The following SH3GL3 variants were observed in gnomAD, a reference collection of about 807,000 sequenced individuals.
SH3GL3 encodes SH3 domain containing GRB2 like 3, endophilin A3, also known as endophilin-A3.
SH3GL3 carries 33 observed loss-of-function variants against 47.7 expected under a neutral mutation model. That is an observed-to-expected ratio of 0.69 (90% CI 0.52 to 0.92). The LOEUF is 0.92. SH3GL3 is among the 40% of genes least tolerant of loss of function. SH3GL3 has a pLI of 0.00. For missense variants in SH3GL3, 363 were observed against 417.8 expected (o/e 0.87, Z 1.14); for synonymous variants, 155 against 148.8 (o/e 1.04, Z -0.30).
chr15:83,482,578 C>T (rs1442799759), intron 1 of SH3GL3, among the ~76,000 whole-genome samples: 1 of 151,910 alleles, frequency 6.6e-6, no homozygotes, highest in Non-Finnish European at 1.5e-5. Context: ...ACTGCAGCCT[C>T]CACCTCCCAG....
At chr15:83,506,147 C>T (rs1328954583) in intron 1 of SH3GL3, among the ~76,000 whole-genome samples, 1 of 152,008 alleles carries the variant, frequency 6.6e-6, no homozygotes, top group African/African-American at 2.4e-5. Flanking sequence ...CTTTTGAAAT[C>T]CTGTTTAGAA....
In SH3GL3 at chr15:83,474,159, G is replaced by A. The variant is rs148054781; in HGVS notation, c.45+26581G>A. Among the ~76,000 whole-genome samples, 53 of 152,284 alleles carry A rather than the reference G, an allele frequency of 3.5e-4. No homozygotes were observed. The East Asian group carries it at 7.0e-3, about 20-fold the overall frequency. On this transcript the variant is annotated intron_variant, in intron 1 of 8. Transcript: ENST00000427482. Reference sequence around the variant, plus strand: ...ACCCAATTTTAAATCCCTTCTTAGCGGATGTTACTGTCTGATAATCTCTTG... The same window carrying A: ...ACCCAATTTTAAATCCCTTCTTAGCAGATGTTACTGTCTGATAATCTCTTG...
chr15:83,519,807 T>A (rs1270089482), intron 1 of SH3GL3, among the ~76,000 whole-genome samples: 1 of 152,240 alleles, frequency 6.6e-6, no homozygotes, highest in South Asian at 2.1e-4. Flanking sequence ...TGTTTATACG[T>A]AGCTGTTTTA....
chr15:83,486,995 T>G (rs955721791), intron 1 of SH3GL3, among the ~76,000 whole-genome samples: 1 of 152,052 alleles, frequency 6.6e-6, no homozygotes, highest in African/African-American at 2.4e-5. Flanking sequence ...CCTGATAACC[T>G]CCCCAAAGCC....
chr15:83,513,527 C>T (rs567779912), intron 1 of SH3GL3, among the ~76,000 whole-genome samples: 8 of 152,294 alleles, frequency 5.3e-5, no homozygotes, highest in Non-Finnish European at 1.0e-4. Flanking sequence ...TGACCCTCTC[C>T]TAGACTTCCC....
intron 8 of SH3GL3, among the ~76,000 whole-genome samples, chr15:83,591,081 C>T (rs1281651382): frequency 2.0e-5 from 3 of 152,130 alleles, no homozygotes; most frequent in African/African-American, 4.8e-5. Flanking sequence ...AATCTCGGCT[C>T]ACTGCAACCT....
At chr15:83,617,944 A>G (rs1364253221) in intron 8 of SH3GL3, 138 bp from the exon 9 acceptor site, 11 of 637,660 alleles carry the variant, frequency 1.7e-5, no homozygotes, top group African/African-American at 3.6e-5. Flanking sequence ...CGGCACCGTG[A>G]GCTGGGTGGA....
In SH3GL3 at chr15:83,572,769, G is replaced by A. The variant is rs569318997; in HGVS notation, c.465+71G>A. 2.9e-4 allele frequency: 329 copies of A among 1,138,998 alleles called. 1 individual carries two copies. Among genetic ancestry groups the A allele is most frequent in the African/African-American group, 5.4e-4 (35 of 64,274 alleles). 70.6% of individuals were successfully genotyped at this position (1,138,998 alleles called of 1,614,324 possible). On this transcript the variant is annotated intron_variant, in intron 5 of 8. Coordinates refer to ENST00000427482, the MANE Select transcript of SH3GL3 (RefSeq NM_003027.5). ...TGTTTATATTTAAAATCACTAGAAC[G>A]TTTCAGCAGACTGAAAGCATCATCT...
In SH3GL3 at chr15:83,567,369, C is replaced by T. The variant is rs963517276; in HGVS notation, c.188-1160C>T. Among the ~76,000 whole-genome samples the T allele has an allele frequency of 4.9e-4, 75 of 152,168 alleles. 1 individual carries two copies. Among genetic ancestry groups the T allele is most frequent in the Non-Finnish European group, 1.5e-5 (1 of 68,042 alleles). On this transcript the variant is annotated intron_variant, in intron 3 of 8. Transcript: ENST00000427482. ...CATAATTATGTCCTGTATATTCTGC[C>T]TCCCAGTAACTAGACTTTGAGCTCC...
chr15:83,529,482 A>G (rs1016496228), intron 1 of SH3GL3, among the ~76,000 whole-genome samples: 1 of 152,050 alleles, frequency 6.6e-6, no homozygotes, highest in Non-Finnish European at 1.5e-5. Flanking sequence ...TCAGGTCCCC[A>G]GGAGTACAAA....
At chr15:83,480,010 A>T (rs922796715) in intron 1 of SH3GL3, among the ~76,000 whole-genome samples, 4 of 152,222 alleles carry the variant, frequency 2.6e-5, no homozygotes, top group Admixed American at 6.5e-5. Flanking sequence ...GTGATTATTC[A>T]TTGAGTTTCT....
chr15:83,489,841 A>C (rs1378661045), intron 1 of SH3GL3, among the ~76,000 whole-genome samples: 33 of 44,508 alleles, frequency 7.4e-4, no homozygotes, highest in African/African-American at 3.3e-3. Context: ...AGAAGCCGAT[A>C]GATAGATAGA....
downstream of SH3GL3, among the ~76,000 whole-genome samples, chr15:83,620,012 C>G (rs1004198713): frequency 6.7e-6 from 1 of 149,846 alleles, no homozygotes; most frequent in East Asian, 1.9e-4. Flanking sequence ...AGCATCTTCA[C>G]CAAGAGTAGA....
intron 1 of SH3GL3, among the ~76,000 whole-genome samples, chr15:83,522,266 C>T (rs1374237332): frequency 2.6e-5 from 4 of 152,138 alleles, no homozygotes; most frequent in Non-Finnish European, 5.9e-5. Flanking sequence ...CCAGCAGAGG[C>T]GAGCTCATCC....
intron 1 of SH3GL3, among the ~76,000 whole-genome samples, chr15:83,468,690 A>G (rs1485074111): frequency 6.6e-6 from 1 of 152,124 alleles, no homozygotes; most frequent in African/African-American, 2.4e-5. Flanking sequence ...AGCAAAACCC[A>G]CTTGGTCATG....
At chr15:83,573,593 G>T (rs2059593439) in intron 5 of SH3GL3, among the ~76,000 whole-genome samples, 1 of 152,212 alleles carries the variant, frequency 6.6e-6, no homozygotes, top group African/African-American at 2.4e-5. Flanking sequence ...ACTCGAGGGG[G>T]AAGTGTGAAC....
At chr15:83,566,342 T>A (rs2151756507) in intron 3 of SH3GL3, among the ~76,000 whole-genome samples, 1 of 127,050 alleles carries the variant, frequency 7.9e-6, no homozygotes, top group Admixed American at 8.0e-5. Flanking sequence ...GTGGGAAAGA[T>A]GGGCAGAGAG....
chr15:83,567,237 T>G (rs1012988036), intron 3 of SH3GL3, among the ~76,000 whole-genome samples: 5 of 152,308 alleles, frequency 3.3e-5, no homozygotes, highest in Admixed American at 2.0e-4. Context: ...TATTCCCTCT[T>G]CTACACGTTA....
chr15:83,458,834 T>C lies in SH3GL3; in HGVS notation c.45+11256T>C, dbSNP rs532995856. On this transcript the variant is annotated intron_variant, in intron 1 of 8. Coordinates refer to ENST00000427482, the MANE Select transcript of SH3GL3 (RefSeq NM_003027.5). Reference sequence around the variant, plus strand: ...TTTCACTGTAGGACAAAGAAGGGTGTATTAGTCAGGGTTCTCTAGAGGGAT... The same window carrying C: ...TTTCACTGTAGGACAAAGAAGGGTGCATTAGTCAGGGTTCTCTAGAGGGAT... 5.3e-5 allele frequency among the ~76,000 whole-genome samples: 8 copies of C among 152,378 alleles called. No homozygotes were observed. The South Asian group carries it at 1.7e-3, about 32-fold the overall frequency.
Sources: allele counts gnomAD v4.1 joint callset (sites outside exome capture counted in the v4.1 genomes callset), GRCh38; gene constraint gnomAD v4.1.1; transcripts MANE v1.5; gene names NCBI Gene and HGNC (gene_info 2026-07-23, HGNC 2026-07-21).